The following FEZ2 variants were observed in gnomAD, a reference collection of about 807,000 sequenced individuals.
FEZ2 encodes fasciculation and elongation protein zeta 2.
In FEZ2, 51 loss-of-function variants were observed where a neutral mutation model predicts 40.4. That is an observed-to-expected ratio of 1.26 (90% CI 1.01 to 1.59). The LOEUF is 1.59. Ranked by LOEUF, FEZ2 falls within the 40% of genes most tolerant of loss-of-function variation. The probability of loss-of-function intolerance (pLI) is 0.00; values close to 1 mark genes in which losing one functional copy is unlikely to be tolerated. For missense variants in FEZ2, 640 were observed against 438.3 expected, an observed-to-expected ratio of 1.46 and a Z score of -4.11; for synonymous variants, 242 against 172.0, an observed-to-expected ratio of 1.41 and a Z score of -3.18.
At chr2:36,572,146 G>A (rs997680816) in intron 5 of FEZ2, among the ~76,000 whole-genome samples, 1 of 146,258 alleles carries the variant, frequency 6.8e-6, no homozygotes, top group African/African-American at 2.5e-5. Flanking sequence ...TATTCCTTTT[G>A]TTTGTCTCCA....
At chr2:36,560,674 C>A in intron 5 of FEZ2, 1 of 593,730 alleles carries the variant, frequency 1.7e-6, no homozygotes, top group South Asian at 2.8e-5. Context: ...ACTTTTATTT[C>A]TCTCGTTAAG....
chr2:36,596,385 C>G (rs1245353359), intron 1 of FEZ2, among the ~76,000 whole-genome samples: 3 of 152,224 alleles, frequency 2.0e-5, no homozygotes, highest in Non-Finnish European at 4.4e-5. Context: ...GACTCCTGTC[C>G]TGTCTCTCAA....
At chr2:36,558,550 G>T in intron 5 of FEZ2, 37 bp from the exon 6 acceptor site, 1 of 1,291,390 alleles carries the variant, frequency 7.7e-7, no homozygotes. Context: ...CACTTAAATC[G>T]GAATTACCTT....
intron 5 of FEZ2, among the ~76,000 whole-genome samples, chr2:36,561,119 T>A (rs537323549): frequency 6.6e-6 from 1 of 152,258 alleles, no homozygotes; most frequent in Non-Finnish European, 1.5e-5. Flanking sequence ...ATGTAGCTAA[T>A]TGTTCCAATG....
intron 5 of FEZ2, chr2:36,560,688 T>C (rs989687967): frequency 1.5e-6 from 1 of 670,440 alleles, no homozygotes; most frequent in Non-Finnish European, 2.6e-6. Context: ...CGTTAAGCAA[T>C]GGTCTTAGTA....
intron 1 of FEZ2, among the ~76,000 whole-genome samples, chr2:36,592,626 G>A (rs1237444960): frequency 6.8e-6 from 1 of 146,964 alleles, no homozygotes. Flanking sequence ...GGCAACAAAA[G>A]GGAGCCCCAC....
intron 3 of FEZ2, among the ~76,000 whole-genome samples, chr2:36,582,493 T>C (rs533188253): frequency 6.6e-6 from 1 of 152,328 alleles, no homozygotes; most frequent in South Asian, 2.1e-4. Context: ...GGCAGGTCAG[T>C]GAGGGGACAA....
At chr2:36,568,346 T>G (rs1396997749) in intron 5 of FEZ2, among the ~76,000 whole-genome samples, 1 of 152,142 alleles carries the variant, frequency 6.6e-6, no homozygotes, top group Non-Finnish European at 1.5e-5. Flanking sequence ...TGTTACTAAA[T>G]AAATAAGTAA....
At chr2:36,589,214 T>G (rs571204938) in intron 2 of FEZ2, among the ~76,000 whole-genome samples, 1 of 152,286 alleles carries the variant, frequency 6.6e-6, no homozygotes. Flanking sequence ...AACATATGAT[T>G]AACAAGAGAA....
intron 3 of FEZ2, among the ~76,000 whole-genome samples, chr2:36,582,888 G>A (rs1668792907): frequency 6.6e-6 from 1 of 152,248 alleles, no homozygotes; most frequent in East Asian, 1.9e-4. Context: ...GTGAATACAG[G>A]GTTGACCTTA....
chr2:36,581,585 T>A, intron 3 of FEZ2, 154 bp from the exon 4 acceptor site: 1 of 640,684 alleles, frequency 1.6e-6, no homozygotes, highest in African/African-American at 1.8e-5. Flanking sequence ...ATAATCAAAA[T>A]TTTTACTGTA....
At chr2:36,557,072 A>G (rs1025907223) in intron 6 of FEZ2, 1 of 152,200 alleles carries the variant, frequency 6.6e-6, no homozygotes, top group Non-Finnish European at 1.5e-5. Context: ...CTTATGAGCA[A>G]TATTTATGTT....
intron 2 of FEZ2, among the ~76,000 whole-genome samples, chr2:36,586,783 T>C (rs1473680629): frequency 6.6e-6 from 1 of 151,996 alleles, no homozygotes; most frequent in Non-Finnish European, 1.5e-5. Flanking sequence ...TCTACAGAAA[T>C]ATATTTTCTT....
At chr2:36,564,062 T>C (rs1476104607) in intron 5 of FEZ2, among the ~76,000 whole-genome samples, 1 of 152,212 alleles carries the variant, frequency 6.6e-6, no homozygotes, top group African/African-American at 2.4e-5. Flanking sequence ...AATAGCTTCA[T>C]CTTCTGCTTC....
chr2:36,575,552 G>A (rs1668544692), intron 5 of FEZ2, among the ~76,000 whole-genome samples: 1 of 152,058 alleles, frequency 6.6e-6, no homozygotes, highest in African/African-American at 2.4e-5. Context: ...AATGAATATT[G>A]TTTCATCTTA....
chr2:36,584,368 G>A (rs964472475), intron 2 of FEZ2, among the ~76,000 whole-genome samples: 13 of 152,080 alleles, frequency 8.5e-5, no homozygotes, highest in Non-Finnish European at 1.5e-4. Flanking sequence ...CAGCCCTGGG[G>A]GATTGCACCA....
chr2:36,574,282 T>G (rs766424666), intron 5 of FEZ2, among the ~76,000 whole-genome samples: 29 of 152,352 alleles, frequency 1.9e-4, no homozygotes, highest in Admixed American at 1.2e-3. Flanking sequence ...TTCTATTGTC[T>G]TAGACAATAT....
At position 36,581,404 on chromosome 2, in the gene FEZ2, G is replaced by C. The variant is rs750160244; in HGVS notation, c.520C>G (p.Gln174Glu). ...QVIEEIEEMM[Q>E]ESPDPEDDET... ...TCATCTTCTGGGTCCGGTGATTCCTGCATCATTTCTTCAATTTCTTCAATA... is the reference window on the plus strand; with the variant it reads ...TCATCTTCTGGGTCCGGTGATTCCTCCATCATTTCTTCAATTTCTTCAATA... Residue 174 changes from glutamine (Q) to glutamate (E), a missense_variant, in exon 4 of 8, where the codon CAG (glutamine) becomes GAG (glutamate). Physicochemically the swap from Gln to Glu is conservative, Grantham distance 29. Coordinates refer to ENST00000405912, the MANE Select transcript of FEZ2 (RefSeq NM_005102.3). 1.9e-6 allele frequency: 3 copies of C among 1,613,328 alleles called. No homozygotes were observed. Among genetic ancestry groups the C allele is most frequent in the Non-Finnish European group, 2.5e-6 (3 of 1,179,320 alleles).
intron 2 of FEZ2, among the ~76,000 whole-genome samples, chr2:36,587,726 T>G (rs1397981198): frequency 2.0e-5 from 3 of 152,174 alleles, no homozygotes; most frequent in African/African-American, 7.2e-5. Flanking sequence ...AAGGGTAAAT[T>G]TTACATAGCT....
Sources: gnomAD v4.1 joint callset for allele counts (sites outside exome capture counted in the v4.1 genomes callset) on GRCh38, gnomAD v4.1.1 for gene constraint, MANE v1.5 for transcripts, NCBI Gene and HGNC (gene_info 2026-07-23, HGNC 2026-07-21) for gene names.